The following HMGN4 variants were observed in gnomAD, a reference collection of about 807,000 sequenced individuals.
HMGN4 encodes high mobility group nucleosomal binding domain 4.
For synonymous variants in HMGN4, 39 were observed against 39.1 expected, an observed-to-expected ratio of 1.00 and a Z score of 0.01; for missense variants, 69 against 104.9, an observed-to-expected ratio of 0.66 and a Z score of 1.49.
Position 26,542,128 on chromosome 6 carries a change from G to C in HMGN4, c.-80-2999G>C, listed in dbSNP as rs1764293198. On this transcript the variant is annotated intron_variant, in intron 1 of 1. Transcript: ENST00000377575. The surrounding 1 kb of genome is among the most constrained non-coding windows in gnomAD (Gnocchi z 4.6). ...TCTTTTCTTCCACATGCATGAAGGA[G>C]TATTTGTAATGACTTTTATATTTTA... Among the ~76,000 whole-genome samples the C allele has an allele frequency of 6.6e-6, 1 of 151,992 alleles. No individual in the cohort carries two copies. Among genetic ancestry groups the C allele is most frequent in the Admixed American group, 6.5e-5 (1 of 15,278 alleles).
At chr6:26,540,123 C>T (rs1338965522) in intron 1 of HMGN4, among the ~76,000 whole-genome samples, 1 of 152,182 alleles carries the variant, frequency 6.6e-6, no homozygotes, top group East Asian at 1.9e-4. Flanking sequence ...TGGCAAGCTG[C>T]AGCAGCAAAC....
In HMGN4 at chr6:26,546,180, T is replaced by C. The variant is rs901546598; in HGVS notation, c.*701T>C. 1.2e-5 allele frequency: 2 copies of C among 167,236 alleles called. No homozygotes were observed. Among genetic ancestry groups the C allele is most frequent in the African/African-American group, 4.8e-5 (2 of 41,588 alleles). 10.4% of individuals were successfully genotyped at this position (167,236 alleles called of 1,614,324 possible). ...TTGGAAATTGTAAAATGTTATAGAT[T>C]GTTGCCTATTTCCTGCTGAAAGTAA... On this transcript the variant is annotated 3_prime_UTR_variant, in exon 2 of 2. Coordinates refer to ENST00000377575, the MANE Select transcript of HMGN4 (RefSeq NM_006353.3).
At position 26,545,476 on chromosome 6, in the gene HMGN4, G is replaced by A; in HGVS notation, c.270G>A (p.Lys90=). 6.5e-7 allele frequency: 1 copy of A among 1,548,988 alleles called. No individual in the cohort carries two copies. ...AAGCGGAAGGCACTGGGGATGCCAA[G>A]TGAAATGTACATTTTTGAGAGCTCT... The part of the protein sequence containing the change: ...SQKAEGTGDA[K] Residue 90 remains lysine (K), a synonymous_variant, in exon 2 of 2, where the codon AAG becomes AAA. Coordinates refer to ENST00000377575, the MANE Select transcript of HMGN4 (RefSeq NM_006353.3).
rs1206943884 is a variant in HMGN4, at chr6:26,545,014, T to C, written c.-80-113T>C. ...GGTACTTATTGTTTTACTTTTATTA[T>C]GCTATCTTTTTTGATATACACGAAT... On this transcript the variant is annotated intron_variant, in intron 1 of 1. Transcript: ENST00000377575. 4 of 376,734 alleles carry C rather than the reference T, an allele frequency of 1.1e-5. No individual in the cohort carries two copies. The East Asian group carries it at 1.8e-4, about 17-fold the overall frequency. The allele number at this position is 376,734 out of a possible 1,614,324, so 23.3% of individuals were successfully genotyped here.
In HMGN4 at chr6:26,542,872, T is replaced by C. The variant is rs1764304105; in HGVS notation, c.-80-2255T>C. Among the ~76,000 whole-genome samples the C allele has an allele frequency of 1.3e-5, 2 of 152,212 alleles. No individual in the cohort carries two copies. On this transcript the variant is annotated intron_variant, in intron 1 of 1. Coordinates refer to ENST00000377575, the MANE Select transcript of HMGN4 (RefSeq NM_006353.3). This position sits in a 1 kb window ranked among gnomAD's most constrained non-coding sequence, Gnocchi z 4.6. ...CCCCCCTACTTCGGATGGACTTCAA[T>C]GGATCTAACTCGAAGAAGACTGAAC...
chr6:26,545,424 G>C lies in HMGN4; in HGVS notation c.218G>C (p.Arg73Pro), dbSNP rs545040907. The change falls in exon 2 of 2, where the codon CGA (arginine) becomes CCA (proline). Residue 73 changes from arginine to proline, a missense_variant. By Grantham distance (103) the Arg-to-Pro change is moderately radical (BLOSUM62 -2). Transcript: ENST00000377575. Reference protein sequence around the residue: ...GKDGNNPAKNRDASTLQSQKA... With the variant: ...GKDGNNPAKNPDASTLQSQKA... Reference sequence around the variant, plus strand: ...GATGGGAACAACCCTGCAAAAAACCGAGATGCCTCTACACTCCAGTCCCAG... The same window carrying C: ...GATGGGAACAACCCTGCAAAAAACCCAGATGCCTCTACACTCCAGTCCCAG... 6.2e-7 allele frequency: 1 copy of C among 1,608,780 alleles called. No individual in the cohort carries two copies. Among genetic ancestry groups the C allele is most frequent in the East Asian group, 2.2e-5 (1 of 44,858 alleles).
At position 26,546,656 on chromosome 6, in the gene HMGN4, T is replaced by C. The variant is rs1259404698; in HGVS notation, c.*1177T>C. Among the ~76,000 whole-genome samples the C allele has an allele frequency of 6.6e-6, 1 of 152,242 alleles. No homozygotes were observed. The highest frequency in any genetic ancestry group is 1.5e-5 in the Non-Finnish European group (1 of 68,040). On this transcript the variant is annotated 3_prime_UTR_variant, in exon 2 of 2. Coordinates refer to ENST00000377575, the MANE Select transcript of HMGN4 (RefSeq NM_006353.3). ...TCATAATTGTAACCAATTTCACCTC[T>C]GTCTCCAGTATCACCACAAAATTGT...
intron 1 of HMGN4, among the ~76,000 whole-genome samples, chr6:26,540,917 G>T (rs1341864169): frequency 6.6e-6 from 1 of 152,202 alleles, no homozygotes. Flanking sequence ...AGGTGAAAAT[G>T]AGTATTGAAT....
intron 1 of HMGN4, among the ~76,000 whole-genome samples, chr6:26,540,765 G>T (rs1017907096): frequency 6.6e-6 from 1 of 152,134 alleles, no homozygotes; most frequent in African/African-American, 2.4e-5. Flanking sequence ...TAAGAGGCAG[G>T]GAGGGAGAGG....
At chr6:26,544,783 T>C (rs910085744) in intron 1 of HMGN4, among the ~76,000 whole-genome samples, 1 of 152,232 alleles carries the variant, frequency 6.6e-6, no homozygotes, top group African/African-American at 2.4e-5. Context: ...TGAAATGTTA[T>C]ATCCTATGCT....
intron 1 of HMGN4, among the ~76,000 whole-genome samples, chr6:26,544,351 A>T (rs868527671): frequency 2.0e-5 from 3 of 151,802 alleles, no homozygotes; most frequent in African/African-American, 7.3e-5. Context: ...GCAACTTGCT[A>T]TTTTTCTTCG....
chr6:26,544,085 C>T (rs1399701129), intron 1 of HMGN4, among the ~76,000 whole-genome samples: 1 of 152,100 alleles, frequency 6.6e-6, no homozygotes, highest in South Asian at 2.1e-4. Flanking sequence ...CAGACACATA[C>T]AATTTTTCTG....
intron 1 of HMGN4, among the ~76,000 whole-genome samples, chr6:26,544,447 C>G (rs1387159604): frequency 2.0e-5 from 3 of 152,144 alleles, no homozygotes; most frequent in South Asian, 4.1e-4. Context: ...CCCTTTTATA[C>G]ATACTACCAA....
chr6:26,539,946 C>T (rs1764269561), intron 1 of HMGN4: 1 of 152,198 alleles, frequency 6.6e-6, no homozygotes, highest in Non-Finnish European at 1.5e-5. Context: ...GGCAAAGGTT[C>T]CAGGGTCCTA....
At chr6:26,541,245 C>T (rs1764284710) in intron 1 of HMGN4, among the ~76,000 whole-genome samples, 1 of 152,056 alleles carries the variant, frequency 6.6e-6, no homozygotes, top group African/African-American at 2.4e-5. Flanking sequence ...AGGGTTTCAC[C>T]ATGTTGGCCA....
At chr6:26,540,798 G>T (rs920191974) in intron 1 of HMGN4, among the ~76,000 whole-genome samples, 12 of 152,074 alleles carry the variant, frequency 7.9e-5, no homozygotes. Context: ...TTTCGGGGTG[G>T]GATTGAGGCT....
rs575215942 is a variant in HMGN4, at chr6:26,539,093, G to A, written c.-81+592G>A. Among the ~76,000 whole-genome samples, 29 of 152,332 alleles carry A rather than the reference G, an allele frequency of 1.9e-4. 1 individual carries two copies. The highest frequency in any genetic ancestry group is 1.8e-3 in the Admixed American group (28 of 15,302). On this transcript the variant is annotated intron_variant, in intron 1 of 1. Transcript: ENST00000377575. ...CCTCTGCCACATGGCTTGCTTACAA[G>A]TTAATCGGATTAATCAAACGCTTTT... is the stretch of plus-strand genomic sequence containing the variant.
chr6:26,539,369 C>T (rs1284485959), intron 1 of HMGN4, among the ~76,000 whole-genome samples: 3 of 152,116 alleles, frequency 2.0e-5, no homozygotes, highest in Non-Finnish European at 2.9e-5. Context: ...GCAACCTCCA[C>T]CTCGATTCTT....
rs373005223 is a variant in HMGN4, at chr6:26,545,376, A to G, written c.170A>G (p.Lys57Arg). 89 of 1,613,944 alleles carry G rather than the reference A, an allele frequency of 5.5e-5. No individual in the cohort carries two copies. Among genetic ancestry groups the G allele is most frequent in the Non-Finnish European group, 7.1e-5 (84 of 1,179,994 alleles). The change falls in exon 2 of 2, where the codon AAG becomes AGG. Residue 57 changes from lysine to arginine, a missense_variant. Coordinates refer to ENST00000377575, the MANE Select transcript of HMGN4 (RefSeq NM_006353.3). ...GGAGAGAAGCTTCCCAAAGGGAGAA[A>G]GGGGAAAGCAGATGCTGGAAAGGAT... ...KKGEKLPKGRKGKADAGKDGN... is the reference protein window; with the variant it reads ...KKGEKLPKGRRGKADAGKDGN...
Sources: allele counts gnomAD v4.1 joint callset (sites outside exome capture counted in the v4.1 genomes callset), GRCh38; gene constraint gnomAD v4.1.1; non-coding constraint Gnocchi (gnomAD v3.1); transcripts MANE v1.5; gene names NCBI Gene and HGNC (gene_info 2026-07-23, HGNC 2026-07-21).